Variants in RCOR1 observed in about 807,000 individuals in gnomAD.
RCOR1 encodes the protein REST corepressor 1.
In RCOR1, 12 loss-of-function variants were observed where a neutral mutation model predicts 64.0. The ratio of observed to expected loss-of-function variants is 0.19; its 90% CI spans 0.12 to 0.30. The LOEUF is 0.30. Ranked by LOEUF, RCOR1 falls within the 10% of genes least tolerant of loss-of-function variation. The probability of loss-of-function intolerance (pLI) is 1.00; values close to 1 mark genes in which losing one functional copy is unlikely to be tolerated. For missense variants in RCOR1, 502 were observed against 621.2 expected (o/e 0.81, Z 2.04); for synonymous variants, 279 against 227.2 (o/e 1.23, Z -2.05).
chr14:102,594,741 G>C (rs535156906), intron 2 of RCOR1, among the ~76,000 whole-genome samples: 3 of 150,700 alleles, frequency 2.0e-5, no homozygotes, highest in East Asian at 3.9e-4. Flanking sequence ...TCTCTTGTAT[G>C]CTTGGCTCCT....
intron 2 of RCOR1, 94 bp downstream of exon 2, chr14:102,593,419 C>G (rs545624560): frequency 7.6e-6 from 10 of 1,324,130 alleles, no homozygotes; most frequent in South Asian, 3.1e-5. Flanking sequence ...CGACAACTTT[C>G]TTTTTGTGCG....
At chr14:102,711,856 T>G (rs148505106) in intron 7 of RCOR1, among the ~76,000 whole-genome samples, 278 of 152,326 alleles carry the variant, frequency 1.8e-3, no homozygotes, top group South Asian at 7.1e-3. Flanking sequence ...CCATAATCAC[T>G]GTCAACCTTT....
intron 9 of RCOR1, 88 bp from the exon 10 acceptor site, chr14:102,721,232 A>T: frequency 4.7e-6 from 6 of 1,283,762 alleles, no homozygotes; most frequent in South Asian, 1.3e-5. Context: ...TAAAATTCCG[A>T]TAAGAGAAAA....
chr14:102,593,362 A>G, intron 2 of RCOR1, 37 bp downstream of exon 2: 1 of 1,496,592 alleles, frequency 6.7e-7, no homozygotes, highest in Non-Finnish European at 8.8e-7. Context: ...GGCGGGGATG[A>G]GCGGGAGCCC....
rs1896288075 is a variant in RCOR1 at position 102,727,303 on chromosome 14, C to T, written c.*797C>T. On this transcript the variant is annotated 3_prime_UTR_variant, in exon 12 of 12. Transcript: ENST00000262241. Reference sequence around the variant, plus strand: ...CTGACCCCCCCCACCCCCCCACCTCCAAGAGGTTCGGCCCACATCACTGTA... The same window carrying T: ...CTGACCCCCCCCACCCCCCCACCTCTAAGAGGTTCGGCCCACATCACTGTA... 1 of 150,308 alleles carries T rather than the reference C, an allele frequency of 6.7e-6. No individual in the cohort carries two copies. The highest frequency in any genetic ancestry group is 1.5e-5 in the Non-Finnish European group (1 of 67,504). 9.3% of individuals were successfully genotyped at this position (150,308 alleles called of 1,614,324 possible). A position where few individuals can be genotyped will look rare whatever the true frequency, so the allele number is the denominator to read the frequency against.
chr14:102,668,258 G>C (rs1894956594), intron 2 of RCOR1, among the ~76,000 whole-genome samples: 1 of 152,160 alleles, frequency 6.6e-6, no homozygotes, highest in Non-Finnish European at 1.5e-5. Context: ...TTCTTCTGAG[G>C]ATAGTTACTG....
intron 3 of RCOR1, among the ~76,000 whole-genome samples, chr14:102,694,812 T>G (rs920277943): frequency 3.3e-5 from 5 of 152,240 alleles, no homozygotes; most frequent in African/African-American, 1.2e-4. Context: ...ATTTCTTATT[T>G]TAATAATAAA....
chr14:102,623,284 A>G (rs530579974), intron 2 of RCOR1, among the ~76,000 whole-genome samples: 5 of 151,788 alleles, frequency 3.3e-5, no homozygotes, highest in Non-Finnish European at 7.4e-5. Context: ...ATTTATTGTT[A>G]TTCTTCCCTC....
At chr14:102,678,744 C>G (rs1895242564) in intron 2 of RCOR1, among the ~76,000 whole-genome samples, 1 of 152,168 alleles carries the variant, frequency 6.6e-6, no homozygotes, top group African/African-American at 2.4e-5. Flanking sequence ...TGCATTTACA[C>G]CAGCAGTGTA....
chr14:102,625,421 G>C (rs778078238), intron 2 of RCOR1, among the ~76,000 whole-genome samples: 2 of 151,410 alleles, frequency 1.3e-5, no homozygotes, highest in Non-Finnish European at 2.9e-5. Context: ...TTTTAGTAGA[G>C]ACAGGGTTTC....
intron 4 of RCOR1, among the ~76,000 whole-genome samples, chr14:102,705,230 A>G (rs1895827513): frequency 6.6e-6 from 1 of 152,060 alleles, no homozygotes; most frequent in Admixed American, 6.5e-5. Flanking sequence ...TGGGTTTTCG[A>G]ATCTCTCCCC....
chr14:102,721,369 C>G lies in RCOR1; in HGVS notation c.1181C>G (p.Ala394Gly). The part of the protein sequence containing the change: ...ARWTTEEQLL[A>G]VQAIRKYGRD... Reference sequence around the variant, plus strand: ...TGGACTACAGAAGAGCAGCTTCTCGCCGTACAAGGTAGGGGGAAGTTCTTC... The same window carrying G: ...TGGACTACAGAAGAGCAGCTTCTCGGCGTACAAGGTAGGGGGAAGTTCTTC... Residue 394 changes from alanine to glycine, a missense_variant, in exon 10 of 12, where the codon GCC becomes GGC. Ala to Gly is a moderately conservative substitution (Grantham distance 60, BLOSUM62 0). Coordinates refer to ENST00000262241, the MANE Select transcript of RCOR1 (RefSeq NM_015156.4). 15 of 1,613,070 alleles carry G rather than the reference C, an allele frequency of 9.3e-6. No individual in the cohort carries two copies. The highest frequency in any genetic ancestry group is 1.3e-5 in the Non-Finnish European group (15 of 1,179,160).
chr14:102,726,439 T>A, intron 11 of RCOR1, 29 bp from the exon 12 acceptor site: 2 of 737,300 alleles, frequency 2.7e-6, no homozygotes, highest in Non-Finnish European at 3.7e-6. Context: ...CTTTGATCCT[T>A]TTTTTTTTTT....
intron 3 of RCOR1, among the ~76,000 whole-genome samples, chr14:102,686,779 A>G (rs1396781107): frequency 6.6e-6 from 1 of 152,188 alleles, no homozygotes; most frequent in Admixed American, 6.5e-5. Context: ...TTAGTGCTGA[A>G]TAATATACCG....
At chr14:102,643,565 G>C (rs970814233) in intron 2 of RCOR1, among the ~76,000 whole-genome samples, 2 of 152,196 alleles carry the variant, frequency 1.3e-5, no homozygotes, top group East Asian at 3.9e-4. Context: ...GAGGCACCAG[G>C]TATCTTCAGA....
intron 2 of RCOR1, among the ~76,000 whole-genome samples, chr14:102,665,197 G>A (rs1269221317): frequency 6.6e-6 from 1 of 151,632 alleles, no homozygotes; most frequent in African/African-American, 2.4e-5. Context: ...TAGAGATAGA[G>A]TTTCTCCATG....
At chr14:102,693,617 A>G (rs748868571) in intron 3 of RCOR1, among the ~76,000 whole-genome samples, 10 of 152,148 alleles carry the variant, frequency 6.6e-5, no homozygotes, top group African/African-American at 9.7e-5. Flanking sequence ...CAGTCTCACA[A>G]TGGGGTTTAG....
chr14:102,668,236 C>G (rs1049320654), intron 2 of RCOR1, among the ~76,000 whole-genome samples: 1 of 152,178 alleles, frequency 6.6e-6, no homozygotes, highest in Non-Finnish European at 1.5e-5. Context: ...ACACTATACA[C>G]GTTTAGAACA....
At chr14:102,644,754 A>T (rs1167000907) in intron 2 of RCOR1, among the ~76,000 whole-genome samples, 1 of 152,216 alleles carries the variant, frequency 6.6e-6, no homozygotes, top group Non-Finnish European at 1.5e-5. Context: ...CTGCCCAGAA[A>T]AGAGGAAACA....
Sources: gnomAD v4.1 joint callset for allele counts (sites outside exome capture counted in the v4.1 genomes callset) on GRCh38, gnomAD v4.1.1 for gene constraint, MANE v1.5 for transcripts, NCBI Gene and HGNC (gene_info 2026-07-23, HGNC 2026-07-21) for gene names.